The following MRTFA variants were observed in gnomAD, a reference collection of about 807,000 sequenced individuals.
MRTFA encodes myocardin related transcription factor A.
MRTFA carries 20 observed loss-of-function variants against 83.5 expected under a neutral mutation model. That is an observed-to-expected ratio of 0.24 (90% CI 0.17 to 0.35). MRTFA has a LOEUF of 0.35. MRTFA is among the 10% of genes least tolerant of loss of function. The pLI is 1.00. For missense variants in MRTFA, 1,200 were observed against 1,224.7 expected, an observed-to-expected ratio of 0.98 and a Z score of 0.30; for synonymous variants, 659 against 541.2, an observed-to-expected ratio of 1.22 and a Z score of -3.02.
chr22:40,423,809 CGGA>C (rs2052895119), intron 8 of MRTFA, 124 bp from the exon 9 acceptor site: 13 of 920,414 alleles, frequency 1.4e-5, no homozygotes, highest in Middle Eastern at 2.7e-4. Flanking sequence ...GGGCAGAGAC[CGGA>C]GGAGGAGAAG....
chr22:40,530,978 G>A (rs1315740192), intron 3 of MRTFA, among the ~76,000 whole-genome samples: 1 of 152,158 alleles, frequency 6.6e-6, no homozygotes, highest in African/African-American at 2.4e-5. Context: ...CCATGTGCCA[G>A]TATCAGAAGC....
intron 1 of MRTFA, among the ~76,000 whole-genome samples, chr22:40,597,018 C>T (rs528408912): frequency 9.9e-5 from 15 of 152,222 alleles, no homozygotes; most frequent in Admixed American, 8.5e-4. Context: ...ATCTCTCCTC[C>T]ATGCTCTCAT....
chr22:40,533,754 C>T (rs1488887330), intron 3 of MRTFA: 1 of 487,268 alleles, frequency 2.1e-6, no homozygotes, highest in Non-Finnish European at 3.2e-6. Context: ...TCAAATCAGA[C>T]TGTGAGAATA....
chr22:40,429,612 T>C lies in MRTFA; in HGVS notation c.595A>G (p.Ile199Val), dbSNP rs2053027304. Residue 199 changes from isoleucine (I) to valine (V), a missense_variant, in exon 7 of 15, where the codon ATC becomes GTC. Physicochemically the swap from Ile to Val is conservative, Grantham distance 29. Coordinates refer to ENST00000355630, the MANE Select transcript of MRTFA (RefSeq NM_020831.6). ...GTGGCTGGGTCCTCCTCACCAATGATGGCTTCCTTCAGGCTGGACTCAACA... is the reference window on the plus strand; with the variant it reads ...GTGGCTGGGTCCTCCTCACCAATGACGGCTTCCTTCAGGCTGGACTCAACA... 2 of 1,613,986 alleles carry C rather than the reference T, an allele frequency of 1.2e-6. No homozygotes were observed. Among genetic ancestry groups the C allele is most frequent in the Non-Finnish European group, 1.7e-6 (2 of 1,180,022 alleles).
intron 1 of MRTFA, among the ~76,000 whole-genome samples, chr22:40,606,902 T>C (rs926846093): frequency 1.3e-5 from 2 of 152,206 alleles, no homozygotes; most frequent in Non-Finnish European, 2.9e-5. Context: ...TAGGGACTCA[T>C]GTACAAAAAT....
chr22:40,473,701 C>T (rs1267864677), intron 3 of MRTFA, among the ~76,000 whole-genome samples: 1 of 152,152 alleles, frequency 6.6e-6, no homozygotes, highest in African/African-American at 2.4e-5. Flanking sequence ...TGGGTGCTAG[C>T]CTTAAGTGAA....
At chr22:40,569,386 A>T in intron 2 of MRTFA, 1 of 199,484 alleles carries the variant, frequency 5.0e-6, no homozygotes, top group Admixed American at 5.0e-5. Flanking sequence ...GCTGGCAGAA[A>T]TACCTGGACC....
intron 2 of MRTFA, among the ~76,000 whole-genome samples, chr22:40,577,404 G>C (rs550255979): frequency 6.6e-5 from 10 of 151,690 alleles, no homozygotes; most frequent in African/African-American, 2.4e-4. Flanking sequence ...GTACATAATA[G>C]ACATTAACCA....
intron 4 of MRTFA, among the ~76,000 whole-genome samples, chr22:40,456,913 A>C (rs1710978285): frequency 1.3e-5 from 2 of 152,202 alleles, no homozygotes; most frequent in Non-Finnish European, 2.9e-5. Flanking sequence ...GTCACAATCT[A>C]ATCCATTTTT....
At chr22:40,431,501 G>A (rs1296303506) in intron 5 of MRTFA, 21 bp from the exon 6 acceptor site, 1 of 1,611,542 alleles carries the variant, frequency 6.2e-7, no homozygotes, top group Admixed American at 1.7e-5. Context: ...AACACACCAA[G>A]AAACTCTCAA....
chr22:40,459,820 C>CAT (rs1193249162), intron 4 of MRTFA, among the ~76,000 whole-genome samples: 18 of 82,926 alleles, frequency 2.2e-4, no homozygotes, highest in African/African-American at 9.5e-4. Flanking sequence ...CACACACACA[C>CAT]ACATATATAC....
At chr22:40,515,652 A>G (rs2054745990) in intron 3 of MRTFA, among the ~76,000 whole-genome samples, 1 of 152,174 alleles carries the variant, frequency 6.6e-6, no homozygotes. Flanking sequence ...AGAGAGGCAG[A>G]TGGAACCTAG....
intron 3 of MRTFA, among the ~76,000 whole-genome samples, chr22:40,515,608 G>A (rs1043119729): frequency 1.3e-5 from 2 of 152,092 alleles, no homozygotes; most frequent in Admixed American, 6.5e-5. Flanking sequence ...CACGAGAATC[G>A]TTTGAACTCA....
intron 3 of MRTFA, among the ~76,000 whole-genome samples, chr22:40,515,232 T>C (rs2054738272): frequency 6.6e-6 from 1 of 152,080 alleles, no homozygotes; most frequent in African/African-American, 2.4e-5. Context: ...TATTCATTTA[T>C]TTCATTCATT....
rs559580809 is a variant in MRTFA at position 40,573,884 on chromosome 22, A to G, written c.-22+20790T>C. 8.8e-4 allele frequency among the ~76,000 whole-genome samples: 134 copies of G among 152,252 alleles called. 1 individual carries two copies. The Middle Eastern group carries it at 0.02, about 23-fold the overall frequency. On this transcript the variant is annotated intron_variant, in intron 2 of 14. Coordinates refer to ENST00000355630, the MANE Select transcript of MRTFA (RefSeq NM_020831.6). ...CCAGGAGTTTGAGACCTATTTAAAA[A>G]TAATAATATTTTTACTACTGCATCA...
intron 1 of MRTFA, among the ~76,000 whole-genome samples, chr22:40,607,600 G>A (rs2056333759): frequency 6.6e-6 from 1 of 151,814 alleles, no homozygotes; most frequent in South Asian, 2.1e-4. Flanking sequence ...CCACGAATCA[G>A]CACCATAGCA....
chr22:40,462,976 C>T (rs1003538357), intron 4 of MRTFA, among the ~76,000 whole-genome samples: 1 of 152,098 alleles, frequency 6.6e-6, no homozygotes, highest in African/African-American at 2.4e-5. Flanking sequence ...TCAGTGGCAC[C>T]CTTTACACCT....
chr22:40,627,854 T>C (rs1405611759), intron 1 of MRTFA, among the ~76,000 whole-genome samples: 1 of 152,146 alleles, frequency 6.6e-6, no homozygotes, highest in Non-Finnish European at 1.5e-5. Flanking sequence ...ACGCCTATAG[T>C]CCTAGTTATG....
intron 1 of MRTFA, among the ~76,000 whole-genome samples, chr22:40,622,481 C>A (rs201400846): frequency 1.3e-3 from 173 of 133,854 alleles, no homozygotes; most frequent in East Asian, 5.9e-3. Flanking sequence ...ACTCCCATCT[C>A]AAAAAAAAAA....
Sources: allele counts gnomAD v4.1 joint callset (sites outside exome capture counted in the v4.1 genomes callset), GRCh38; gene constraint gnomAD v4.1.1; transcripts MANE v1.5; gene names NCBI Gene and HGNC (gene_info 2026-07-23, HGNC 2026-07-21).